Variants in TCF7L1 observed in about 807,000 individuals in gnomAD.
The protein encoded by TCF7L1 is transcription factor 7 like 1.
In TCF7L1, 18 loss-of-function variants were observed where a neutral mutation model predicts 63.7. The observed-to-expected ratio is 0.28, with a 90% CI of 0.20 to 0.42. TCF7L1 has a LOEUF of 0.42. Among genes scored for constraint, TCF7L1 ranks in the 10% least tolerant of loss-of-function variants. The pLI, the probability that TCF7L1 is intolerant of heterozygous loss-of-function variation, is 1.00. For missense variants in TCF7L1, 654 were observed against 779.3 expected, an observed-to-expected ratio of 0.84 and a Z score of 1.91; for synonymous variants, 355 against 340.9, an observed-to-expected ratio of 1.04 and a Z score of -0.46.
intron 3 of TCF7L1, among the ~76,000 whole-genome samples, chr2:85,208,935 C>T (rs1299884606): frequency 6.6e-6 from 1 of 152,140 alleles, no homozygotes; most frequent in African/African-American, 2.4e-5. Flanking sequence ...ATTTGTATGT[C>T]ATTGATTTCT....
intron 3 of TCF7L1, among the ~76,000 whole-genome samples, chr2:85,226,104 GC>G (rs1679948779): frequency 6.6e-6 from 1 of 152,218 alleles, no homozygotes; most frequent in Non-Finnish European, 1.5e-5. Context: ...TGTTGAACCA[GC>G]CTTGCATCCA....
intron 3 of TCF7L1, among the ~76,000 whole-genome samples, chr2:85,219,908 G>A (rs1347492290): frequency 6.6e-6 from 1 of 152,170 alleles, no homozygotes. Flanking sequence ...CTTTCAAATG[G>A]TTCTGCAAAA....
At position 85,134,027 on chromosome 2, in the gene TCF7L1, C is replaced by G. The variant is rs1340338349; in HGVS notation, c.261C>G (p.Arg87=). Reference sequence around the variant, plus strand: ...TGTCTCCTCCGCAGGCGGAGAGGCGCCCGCAGCCCGTCCGGGACACTTTCC... The same window carrying G: ...TGTCTCCTCCGCAGGCGGAGAGGCGGCCGCAGCCCGTCCGGGACACTTTCC... ...SSSSDSEAER[R]PQPVRDTFQK... is the part of the protein sequence containing the mutation. Residue 87 remains arginine, a synonymous_variant, in exon 2 of 12, where the codon CGC becomes CGG. Coordinates refer to ENST00000282111, the MANE Select transcript of TCF7L1 (RefSeq NM_031283.3). The surrounding 1 kb of genome is among the most constrained non-coding windows in gnomAD (Gnocchi z 5.0). The G allele has an allele frequency of 6.2e-7, 1 of 1,610,010 alleles. No homozygotes were observed. The highest frequency in any genetic ancestry group is 8.5e-7 in the Non-Finnish European group (1 of 1,178,706).
chr2:85,284,357 C>T (rs529544513), intron 4 of TCF7L1, among the ~76,000 whole-genome samples: 3 of 152,268 alleles, frequency 2.0e-5, no homozygotes, highest in East Asian at 1.9e-4. Context: ...TTCAATAGGA[C>T]GTATGCAAAC....
intron 3 of TCF7L1, among the ~76,000 whole-genome samples, chr2:85,254,013 G>C (rs1298738774): frequency 6.6e-6 from 1 of 152,232 alleles, no homozygotes. Context: ...ACCTTTGGAA[G>C]ATCCAGGCCC....
rs1325131654 is a variant in TCF7L1 at position 85,306,689 on chromosome 2, C to T, written c.1257+130C>T. On this transcript the variant is annotated intron_variant, in intron 10 of 11. Coordinates refer to ENST00000282111, the MANE Select transcript of TCF7L1 (RefSeq NM_031283.3). The surrounding 1 kb of genome is among the most constrained non-coding windows in gnomAD (Gnocchi z 4.3). Reference sequence around the variant, plus strand: ...TTTCTTTTATTTTTTGAGACAGAGGCTCACCCTGTCACCCAGGCTGGAGTG... The same window carrying T: ...TTTCTTTTATTTTTTGAGACAGAGGTTCACCCTGTCACCCAGGCTGGAGTG... 1.3e-6 allele frequency: 1 copy of T among 772,150 alleles called. No homozygotes were observed. Among genetic ancestry groups the T allele is most frequent in the Non-Finnish European group, 2.0e-6 (1 of 498,460 alleles). 47.8% of individuals were successfully genotyped at this position (772,150 alleles called of 1,614,324 possible).
intron 3 of TCF7L1, among the ~76,000 whole-genome samples, chr2:85,250,790 T>C (rs979190614): frequency 6.6e-6 from 1 of 152,150 alleles, no homozygotes; most frequent in African/African-American, 2.4e-5. Context: ...TATTTTGTGT[T>C]TCGTGTATGT....
At chr2:85,292,363 A>G (rs1297166798) in intron 4 of TCF7L1, among the ~76,000 whole-genome samples, 2 of 152,176 alleles carry the variant, frequency 1.3e-5, no homozygotes, top group East Asian at 3.9e-4. Flanking sequence ...TTTCAATGGT[A>G]GCTGCCTTTG....
At chr2:85,266,001 A>G (rs1026819962) in intron 3 of TCF7L1, among the ~76,000 whole-genome samples, 4 of 152,220 alleles carry the variant, frequency 2.6e-5, no homozygotes, top group African/African-American at 9.6e-5. Flanking sequence ...ATTACAAGTA[A>G]AAGTAGGATT....
At chr2:85,221,261 A>T (rs1029315949) in intron 3 of TCF7L1, among the ~76,000 whole-genome samples, 2 of 152,180 alleles carry the variant, frequency 1.3e-5, no homozygotes, top group Admixed American at 1.3e-4. Flanking sequence ...TGTTAATAGA[A>T]AGAATCACGC....
chr2:85,249,259 A>C (rs1216236292), intron 3 of TCF7L1, among the ~76,000 whole-genome samples: 1 of 152,204 alleles, frequency 6.6e-6, no homozygotes. Context: ...CACTGCCGCT[A>C]CTGCTAAGGA....
Position 85,149,827 on chromosome 2 carries a change from G to T in TCF7L1, c.441+15377G>T, listed in dbSNP as rs564809453. Reference sequence around the variant, plus strand: ...GGCGTGAGCCACCGCGCCCGGCTCTGTAACTTTTTTCTGAGCCATTTGCAA... The same window carrying T: ...GGCGTGAGCCACCGCGCCCGGCTCTTTAACTTTTTTCTGAGCCATTTGCAA... On this transcript the variant is annotated intron_variant, in intron 3 of 11. Transcript: ENST00000282111. Among the ~76,000 whole-genome samples the T allele has an allele frequency of 2.9e-4, 44 of 152,252 alleles. No individual in the cohort carries two copies. In the South Asian group the frequency reaches 5.6e-3, roughly 19 times the overall value.
chr2:85,308,451 CCCTCCCTCTCTT>C (rs1558663528), intron 11 of TCF7L1, among the ~76,000 whole-genome samples: 4 of 78,334 alleles, frequency 5.1e-5, no homozygotes, highest in African/African-American at 1.8e-4. Context: ...CTTTCTCTTT[CCCTCCCTCTCTT>C]TCCCTCCCTC....
At chr2:85,149,726 T>C (rs535743810) in intron 3 of TCF7L1, among the ~76,000 whole-genome samples, 1 of 152,194 alleles carries the variant, frequency 6.6e-6, no homozygotes, top group Admixed American at 6.5e-5. Flanking sequence ...GGTTTCACTA[T>C]GTTGGCCAGG....
chr2:85,306,424 G>GCATTGATGCAT lies in TCF7L1; in HGVS notation c.1150-28_1150-27insCATTGATGCAT. The GCATTGATGCAT allele has an allele frequency of 6.2e-7, 1 of 1,613,880 alleles. No homozygotes were observed. Among genetic ancestry groups the GCATTGATGCAT allele is most frequent in the South Asian group, 1.1e-5 (1 of 91,078 alleles). On this transcript the variant is annotated intron_variant, in intron 9 of 11. Coordinates refer to ENST00000282111, the MANE Select transcript of TCF7L1 (RefSeq NM_031283.3). The surrounding 1 kb of genome is among the most constrained non-coding windows in gnomAD (Gnocchi z 4.3). ...GCAGCGTCCCTGCATTGATGGCTCC[G>GCATTGATGCAT]TGTGGTCTCTGACCCTCTCTCCCCC...
intron 3 of TCF7L1, among the ~76,000 whole-genome samples, chr2:85,242,108 ACTT>A (rs1391593842): frequency 6.6e-5 from 10 of 152,186 alleles, no homozygotes; most frequent in African/African-American, 2.4e-4. Context: ...GCCAGTGAGA[ACTT>A]CTTCTATTAT....
chr2:85,157,534 G>A (rs1399585897), intron 3 of TCF7L1, among the ~76,000 whole-genome samples: 1 of 152,198 alleles, frequency 6.6e-6, no homozygotes, highest in East Asian at 1.9e-4. Context: ...CTGCCATGTG[G>A]CACCACCTCC....
In TCF7L1 at chr2:85,147,692, C is replaced by G. The variant is rs142870690; in HGVS notation, c.441+13242C>G. Among the ~76,000 whole-genome samples the G allele has an allele frequency of 3.0e-3, 457 of 152,270 alleles. 5 individuals are homozygous for G. Among genetic ancestry groups the G allele is most frequent in the African/African-American group, 0.011 (446 of 41,546 alleles). On this transcript the variant is annotated intron_variant, in intron 3 of 11. Coordinates refer to ENST00000282111, the MANE Select transcript of TCF7L1 (RefSeq NM_031283.3). ...GAAGCTGCCCTTGGGGATCCACTCACTGGCAGACGTGGTGGTGTCTGGGTG... is the reference window on the plus strand; with the variant it reads ...GAAGCTGCCCTTGGGGATCCACTCAGTGGCAGACGTGGTGGTGTCTGGGTG...
chr2:85,155,718 T>C (rs552295097), intron 3 of TCF7L1, among the ~76,000 whole-genome samples: 1 of 152,162 alleles, frequency 6.6e-6, no homozygotes, highest in East Asian at 1.9e-4. Context: ...TTGAAATAGA[T>C]TGTCTTAGTG....
Sources: allele counts gnomAD v4.1 joint callset (sites outside exome capture counted in the v4.1 genomes callset), GRCh38; gene constraint gnomAD v4.1.1; non-coding constraint Gnocchi (gnomAD v3.1); transcripts MANE v1.5; gene names NCBI Gene and HGNC (gene_info 2026-07-23, HGNC 2026-07-21).